CDH23: variants seen among roughly 807,000 people sequenced by gnomAD.
CDH23 encodes cadherin-23.
A neutral mutation model predicts 317.1 loss-of-function variants in CDH23; 189 were observed. The ratio of observed to expected loss-of-function variants is 0.60; its 90% confidence interval spans 0.53 to 0.67. The LOEUF (loss-of-function observed/expected upper bound fraction) is 0.67, where lower values mean the gene tolerates loss of function less well. Ranked by LOEUF, CDH23 falls within the 30% of genes least tolerant of loss-of-function variation. The pLI, the probability that CDH23 is intolerant of heterozygous loss-of-function variation, is 0.00. For synonymous variants in CDH23, 1,839 were observed against 1,876.8 expected, an observed-to-expected ratio of 0.98 and a Z score of 0.52; for missense variants, 4,401 against 4,592.4, an observed-to-expected ratio of 0.96 and a Z score of 1.20.
At chr10:71,460,316 C>G (rs1486612460) in intron 3 of CDH23, among the ~76,000 whole-genome samples, 2 of 152,246 alleles carry the variant, frequency 1.3e-5, no homozygotes, top group Non-Finnish European at 2.9e-5. Context: ...ACCTTGGTCC[C>G]CTCTGGCCGT....
At chr10:71,715,608 G>A in intron 28 of CDH23, 1 of 240,076 alleles carries the variant, frequency 4.2e-6, no homozygotes, top group Non-Finnish European at 8.0e-6. Flanking sequence ...GCGAGCGAGG[G>A]TGCTGCTTCT....
intron 38 of CDH23, among the ~76,000 whole-genome samples, chr10:71,761,398 CT>C (rs1448456419): frequency 6.6e-6 from 1 of 152,164 alleles, no homozygotes; most frequent in Non-Finnish European, 1.5e-5. Flanking sequence ...CAGGTACACC[CT>C]CCCTCTCCAT....
chr10:71,605,988 G>A (rs997444310), intron 9 of CDH23, among the ~76,000 whole-genome samples: 9 of 152,204 alleles, frequency 5.9e-5, no homozygotes, highest in African/African-American at 9.6e-5. Context: ...ACCAGGGGCC[G>A]CCTCTCTGAG....
chr10:71,445,754 A>T (rs1372200181), intron 2 of CDH23, among the ~76,000 whole-genome samples: 1 of 149,106 alleles, frequency 6.7e-6, no homozygotes, highest in East Asian at 2.1e-4. Flanking sequence ...AGGCTGAGGC[A>T]GGAAAATCGC....
intron 38 of CDH23, among the ~76,000 whole-genome samples, chr10:71,761,148 G>A: frequency 6.6e-6 from 1 of 152,200 alleles, no homozygotes. Context: ...AATACCCGCT[G>A]GTGCCCACAC....
intron 27 of CDH23, 58 bp downstream of exon 27, chr10:71,709,269 GC>G: frequency 7.3e-6 from 11 of 1,499,334 alleles, no homozygotes; most frequent in Non-Finnish European, 1.0e-5. Context: ...CACACAGGGT[GC>G]CTCCCAGGAG....
At chr10:71,557,064 A>G (rs1008283803) in intron 6 of CDH23, among the ~76,000 whole-genome samples, 2 of 152,204 alleles carry the variant, frequency 1.3e-5, no homozygotes, top group African/African-American at 2.4e-5. Context: ...TACACCCTAC[A>G]TAAACACCCT....
chr10:71,456,995 C>G (rs577839504), intron 3 of CDH23, among the ~76,000 whole-genome samples: 1 of 152,136 alleles, frequency 6.6e-6, no homozygotes, highest in Non-Finnish European at 1.5e-5. Flanking sequence ...GAGAAGAGAA[C>G]CAATGGTAAA....
At chr10:71,447,146 T>C (rs1346449764) in intron 3 of CDH23, among the ~76,000 whole-genome samples, 1 of 152,154 alleles carries the variant, frequency 6.6e-6, no homozygotes, top group African/African-American at 2.4e-5. Context: ...GGGTCTGCCA[T>C]CTCTACATGT....
chr10:71,534,791 A>G (rs1324636795), intron 6 of CDH23, among the ~76,000 whole-genome samples: 6 of 152,216 alleles, frequency 3.9e-5, no homozygotes, highest in Non-Finnish European at 8.8e-5. Flanking sequence ...AGGTTTGGAC[A>G]TTGGCACAGC....
Position 71,809,167 on chromosome 10 carries a change from CTTTTTTTTTTTT to C in CDH23, c.8723-640_8723-629del, listed in dbSNP as rs61078259. 1.2e-4 allele frequency among the ~76,000 whole-genome samples: 8 copies of C among 68,844 alleles called. No individual in the cohort carries two copies. In the East Asian group the frequency reaches 3.7e-3, roughly 32 times the overall value. The allele number at this position is 68,844 out of a possible 152,430, so 45.2% of individuals were successfully genotyped here. On this transcript the variant is annotated intron_variant, in intron 60 of 69. Transcript: ENST00000224721. ...TATGGGTTTTGTTGTTTTCTTTTTC[CTTTTTTTTTTTT>C]TTTTTTTTTTTTGGTGATAGACTCT...
Position 71,798,460 on chromosome 10 carries a change from G to T in CDH23, c.6936G>T (p.Gly2312=). 6.2e-7 allele frequency: 1 copy of T among 1,613,954 alleles called. No individual in the cohort carries two copies. Among genetic ancestry groups the T allele is most frequent in the African/African-American group, 1.3e-5 (1 of 75,046 alleles). ...MERILEGATP[G]TTLIAVAAVD... ...GGATCCTGGAGGGGGCCACCCCTGGGACCACACTCATTGCTGTGGCAGCCG... is the reference window on the plus strand; with the variant it reads ...GGATCCTGGAGGGGGCCACCCCTGGTACCACACTCATTGCTGTGGCAGCCG... The change falls in exon 50 of 70, where the codon GGG becomes GGT. Residue 2312 remains glycine (G), a synonymous_variant. Coordinates refer to ENST00000224721, the MANE Select transcript of CDH23 (RefSeq NM_022124.6).
chr10:71,696,696 C>T (rs1265002667), intron 22 of CDH23, among the ~76,000 whole-genome samples: 1 of 152,242 alleles, frequency 6.6e-6, no homozygotes, highest in Non-Finnish European at 1.5e-5. Context: ...GACCTCCTCT[C>T]CCATCCAGAG....
intron 3 of CDH23, among the ~76,000 whole-genome samples, chr10:71,481,722 C>T (rs939792111): frequency 6.6e-6 from 1 of 152,206 alleles, no homozygotes; most frequent in South Asian, 2.1e-4. Flanking sequence ...ATCAGTTTCT[C>T]CTCCACAATT....
intron 3 of CDH23, among the ~76,000 whole-genome samples, chr10:71,491,394 A>G (rs1277836838): frequency 2.6e-5 from 4 of 152,190 alleles, no homozygotes; most frequent in Non-Finnish European, 5.9e-5. Flanking sequence ...CATGCAGGCA[A>G]GCAAACAGAC....
At chr10:71,696,441 G>A (rs1460787811) in intron 22 of CDH23, among the ~76,000 whole-genome samples, 3 of 152,216 alleles carry the variant, frequency 2.0e-5, no homozygotes, top group African/African-American at 7.2e-5. Context: ...CTGCACTGTG[G>A]AGGAGACAGA....
chr10:71,565,706 A>G (rs1857360238), intron 6 of CDH23, among the ~76,000 whole-genome samples: 1 of 152,276 alleles, frequency 6.6e-6, no homozygotes, highest in Non-Finnish European at 1.5e-5. Flanking sequence ...GAATGTTTAC[A>G]CTCATGATCT....
intron 30 of CDH23, among the ~76,000 whole-genome samples, chr10:71,728,689 C>A (rs951302258): frequency 3.3e-5 from 5 of 152,326 alleles, no homozygotes; most frequent in Admixed American, 6.5e-5. Flanking sequence ...ACTTTGCTGG[C>A]AAGTTCCTAC....
rs779637927 is a variant in CDH23 at position 71,793,617 on chromosome 10, C to G, written c.6689C>G (p.Ala2230Gly). 1.9e-5 allele frequency: 30 copies of G among 1,597,014 alleles called. No homozygotes were observed. The highest frequency in any genetic ancestry group is 8.4e-5 in the Admixed American group (5 of 59,308). Reference sequence around the variant, plus strand: ...CGCCTGGTGCCCAACCAGGAGGACGCCTTTGCTGTGAATATCAACACAGGT... The same window carrying G: ...CGCCTGGTGCCCAACCAGGAGGACGGCTTTGCTGTGAATATCAACACAGGT... ...TDRLVPNQED[A>G]FAVNINTGSV... The change falls in exon 48 of 70, where the codon GCC (alanine) becomes GGC (glycine). Residue 2230 changes from alanine (A) to glycine (G), a missense_variant. Physicochemically the swap from Ala to Gly is moderately conservative, Grantham distance 60 (BLOSUM62 0). Around this residue, in one of 3 missense-constraint regions of CDH23, gnomAD observed 3,068 missense variants for 3,203.3 expected, o/e 0.96. Coordinates refer to ENST00000224721, the MANE Select transcript of CDH23 (RefSeq NM_022124.6).
Sources: gnomAD v4.1 joint callset for allele counts (sites outside exome capture counted in the v4.1 genomes callset) on GRCh38, gnomAD v4.1.1 for gene constraint, gnomAD v4.1.1 regional missense constraint, MANE v1.5 for transcripts, NCBI Gene and HGNC (gene_info 2026-07-23, HGNC 2026-07-21) for gene names.